The following ANAPC10 variants were observed in gnomAD, a reference collection of about 807,000 sequenced individuals.
The protein encoded by ANAPC10 is anaphase promoting complex subunit 10.
Under a neutral mutation model 22.0 loss-of-function variants are expected in ANAPC10, and 12 were observed. The ratio of observed to expected loss-of-function variants is 0.55; its 90% CI spans 0.35 to 0.88. The LOEUF (loss-of-function observed/expected upper bound fraction) is 0.88, where lower values mean the gene tolerates loss of function less well. ANAPC10 is among the 40% of genes least tolerant of loss of function. The pLI, the probability that ANAPC10 is intolerant of heterozygous loss-of-function variation, is 0.01. For synonymous variants in ANAPC10, 65 were observed against 69.5 expected, an observed-to-expected ratio of 0.94 and a Z score of 0.32; for missense variants, 188 against 220.9, an observed-to-expected ratio of 0.85 and a Z score of 0.94.
At chr4:145,081,827 G>A (rs1229746745) in intron 2 of ANAPC10, 77 bp from the exon 3 acceptor site, 6 of 1,001,500 alleles carry the variant, frequency 6.0e-6, no homozygotes, top group East Asian at 2.5e-5. Flanking sequence ...ATTAACATAT[G>A]TATTTGTCCA....
chr4:145,048,979 A>G (rs1475515223), intron 4 of ANAPC10, among the ~76,000 whole-genome samples: 1 of 152,224 alleles, frequency 6.6e-6, no homozygotes. Flanking sequence ...TCCAGACCAC[A>G]GCAATAAAGT....
intron 2 of ANAPC10, among the ~76,000 whole-genome samples, chr4:145,094,983 G>A (rs565070336): frequency 3.3e-5 from 5 of 151,800 alleles, no homozygotes; most frequent in South Asian, 4.2e-4. Flanking sequence ...TGAGAGAAAC[G>A]GCCAAAAAAA....
chr4:145,065,615 GA>G (rs1183997616), intron 3 of ANAPC10, among the ~76,000 whole-genome samples: 1 of 151,858 alleles, frequency 6.6e-6, no homozygotes, highest in Non-Finnish European at 1.5e-5. Flanking sequence ...TAAATCACTA[GA>G]AAATTAAAAA....
At chr4:145,056,860 A>G (rs948489068) in intron 4 of ANAPC10, among the ~76,000 whole-genome samples, 6 of 152,298 alleles carry the variant, frequency 3.9e-5, no homozygotes, top group South Asian at 4.1e-4. Flanking sequence ...AGTAAAATGC[A>G]TATTTCTATT....
chr4:145,029,458 T>C lies in ANAPC10; in HGVS notation c.328-33855A>G, dbSNP rs528640205. ...GATCCATGAGGAGGTGCACTACAACTGAAAAGAACTGTTTGAGTTCTCTAA... is the reference window on the plus strand; with the variant it reads ...GATCCATGAGGAGGTGCACTACAACCGAAAAGAACTGTTTGAGTTCTCTAA... On this transcript the variant is annotated intron_variant, in intron 4 of 4. Coordinates refer to ENST00000507656, the MANE Select transcript of ANAPC10 (RefSeq NM_001256706.2). Among the ~76,000 whole-genome samples, 11 of 152,176 alleles carry C rather than the reference T, an allele frequency of 7.2e-5. No homozygotes were observed. The South Asian group carries it at 1.5e-3, about 20-fold the overall frequency.
chr4:145,017,019 T>C (rs1250838371), intron 4 of ANAPC10, among the ~76,000 whole-genome samples: 1 of 152,176 alleles, frequency 6.6e-6, no homozygotes, highest in African/African-American at 2.4e-5. Context: ...ATAAAAACCC[T>C]AGAAGAAAAC....
At chr4:145,057,146 T>C (rs1270648444) in intron 4 of ANAPC10, among the ~76,000 whole-genome samples, 3 of 152,218 alleles carry the variant, frequency 2.0e-5, no homozygotes, top group Non-Finnish European at 4.4e-5. Context: ...CTCAGAATCA[T>C]CTTATTTGGC....
Position 144,998,352 on chromosome 4 carries a change from A to G in ANAPC10, c.328-2749T>C, listed in dbSNP as rs1731954426. On this transcript the variant is annotated intron_variant, in intron 4 of 4. Transcript: ENST00000507656. The stretch of plus-strand genomic sequence containing the variant: ...GGAAGTAAAGCACTCCTCAGCAAAT[A>G]TAAAAGAACAGAAATTATCACAAAC... Among the ~76,000 whole-genome samples the G allele has an allele frequency of 3.3e-5, 5 of 152,076 alleles. No homozygotes were observed. The South Asian group carries it at 1.0e-3, about 31-fold the overall frequency.
At chr4:145,002,072 ACTT>A (rs1482049655) in intron 4 of ANAPC10, among the ~76,000 whole-genome samples, 1 of 152,156 alleles carries the variant, frequency 6.6e-6, no homozygotes, top group Non-Finnish European at 1.5e-5. Flanking sequence ...TACTCTCACT[ACTT>A]CTCCTTTACT....
intron 2 of ANAPC10, among the ~76,000 whole-genome samples, chr4:145,094,237 G>T (rs1161284594): frequency 6.6e-6 from 1 of 152,108 alleles, no homozygotes; most frequent in Non-Finnish European, 1.5e-5. Context: ...AAAGACACTA[G>T]ACCCAATAAG....
intron 1 of ANAPC10, 143 bp from the exon 2 acceptor site, chr4:145,096,254 T>G (rs1748499865): frequency 1.1e-6 from 1 of 914,218 alleles, no homozygotes; most frequent in Non-Finnish European, 1.6e-6. Flanking sequence ...TATAATTAAA[T>G]CACTGTAATT....
intron 4 of ANAPC10, among the ~76,000 whole-genome samples, chr4:145,001,960 A>T (rs1346304889): frequency 6.6e-6 from 1 of 152,212 alleles, no homozygotes; most frequent in African/African-American, 2.4e-5. Flanking sequence ...CATGTCAAAT[A>T]TTAAGTACAA....
intron 4 of ANAPC10, among the ~76,000 whole-genome samples, chr4:145,039,633 T>C (rs1460325394): frequency 1.3e-5 from 2 of 152,144 alleles, no homozygotes; most frequent in East Asian, 3.8e-4. Flanking sequence ...TCTCGCTCTG[T>C]CGCCTGGCTG....
At chr4:145,087,909 G>T (rs1213922839) in intron 2 of ANAPC10, among the ~76,000 whole-genome samples, 1 of 152,084 alleles carries the variant, frequency 6.6e-6, no homozygotes, top group Non-Finnish European at 1.5e-5. Flanking sequence ...TTAGCTGAGT[G>T]TGGTGGTGCG....
intron 4 of ANAPC10, among the ~76,000 whole-genome samples, chr4:145,026,866 CAAG>C (rs993760218): frequency 3.8e-4 from 50 of 130,442 alleles, no homozygotes; most frequent in African/African-American, 1.0e-3. Flanking sequence ...GGTCAAAGAA[CAAG>C]AAGAAGTCTT....
chr4:144,997,335 CA>C (rs1731774586), intron 4 of ANAPC10, among the ~76,000 whole-genome samples: 2 of 152,130 alleles, frequency 1.3e-5, no homozygotes, highest in Admixed American at 1.3e-4. Flanking sequence ...GGCAGCCAGA[CA>C]GAAAGGTCGG....
At chr4:145,084,440 G>A (rs752140754) in intron 2 of ANAPC10, among the ~76,000 whole-genome samples, 7 of 152,130 alleles carry the variant, frequency 4.6e-5, no homozygotes, top group Non-Finnish European at 1.0e-4. Flanking sequence ...TGTGAAGCAG[G>A]AAATAAGCCA....
chr4:145,089,517 A>G (rs1309253224), intron 2 of ANAPC10, among the ~76,000 whole-genome samples: 3 of 152,198 alleles, frequency 2.0e-5, no homozygotes, highest in South Asian at 2.1e-4. Context: ...GGTAGCAGTC[A>G]TAACACAAAT....
intron 1 of ANAPC10, 69 bp from the exon 2 acceptor site, chr4:145,096,180 A>G: frequency 6.5e-7 from 1 of 1,532,620 alleles, no homozygotes; most frequent in Non-Finnish European, 8.8e-7. Flanking sequence ...GTTTTTTACC[A>G]AGAAAAATTT....
Sources: gnomAD v4.1 joint callset for allele counts (sites outside exome capture counted in the v4.1 genomes callset) on GRCh38, gnomAD v4.1.1 for gene constraint, MANE v1.5 for transcripts, NCBI Gene and HGNC (gene_info 2026-07-23, HGNC 2026-07-21) for gene names.